Variants in ANKS1B observed in about 807,000 individuals in gnomAD.
ANKS1B encodes ankyrin repeat and sterile alpha motif domain-containing protein 1B.
In ANKS1B, 36 loss-of-function variants were observed where a neutral mutation model predicts 148.3. That is an observed-to-expected ratio of 0.24 (90% CI 0.19 to 0.32). ANKS1B has a LOEUF of 0.32. ANKS1B is among the 10% of genes least tolerant of loss of function. The probability of loss-of-function intolerance (pLI) is 1.00; values close to 1 mark genes in which losing one functional copy is unlikely to be tolerated. For missense variants in ANKS1B, 1,157 were observed against 1,542.6 expected, an observed-to-expected ratio of 0.75 and a Z score of 4.19; for synonymous variants, 542 against 560.8, an observed-to-expected ratio of 0.97 and a Z score of 0.47.
chr12:99,450,690 C>T (rs1322168914), intron 10 of ANKS1B, among the ~76,000 whole-genome samples: 2 of 152,134 alleles, frequency 1.3e-5, no homozygotes, highest in Admixed American at 6.6e-5. Flanking sequence ...TTAACTCTTC[C>T]AGACTAGGTT....
intron 11 of ANKS1B, among the ~76,000 whole-genome samples, chr12:99,427,087 T>C (rs1380814017): frequency 6.6e-6 from 1 of 152,242 alleles, no homozygotes; most frequent in South Asian, 2.1e-4. Context: ...TCCAAATAAC[T>C]GTACATGTTC....
chr12:99,668,630 T>C (rs1474983476), intron 8 of ANKS1B, among the ~76,000 whole-genome samples: 1 of 152,030 alleles, frequency 6.6e-6, no homozygotes, highest in East Asian at 1.9e-4. Flanking sequence ...TGTCTAGTTT[T>C]CTTTGTTTTT....
intron 1 of ANKS1B, among the ~76,000 whole-genome samples, chr12:99,967,356 C>T (rs1172165801): frequency 1.3e-5 from 2 of 152,098 alleles, no homozygotes; most frequent in South Asian, 2.1e-4. Flanking sequence ...ACCTGCATAG[C>T]GCCAAATGTC....
intron 8 of ANKS1B, among the ~76,000 whole-genome samples, chr12:99,735,807 C>CAAAAAAAAAAAAAAAAAAAAAAAA (rs376398944): frequency 4.6e-5 from 5 of 108,952 alleles, no homozygotes; most frequent in Non-Finnish European, 7.6e-5. Flanking sequence ...GGACATATAC[C>CAAAAAAAAAAAAAAAAAAAAAAAA]AAAAAAAAAA....
intron 17 of ANKS1B, among the ~76,000 whole-genome samples, chr12:98,998,814 T>C (rs1000542065): frequency 6.6e-6 from 1 of 152,230 alleles, no homozygotes; most frequent in Non-Finnish European, 1.5e-5. Context: ...TATTTTGCTT[T>C]GCCTTTGGGA....
chr12:99,950,507 ATTC>A (rs1422017864), intron 1 of ANKS1B, among the ~76,000 whole-genome samples: 1 of 152,128 alleles, frequency 6.6e-6, no homozygotes, highest in East Asian at 1.9e-4. Flanking sequence ...CTACATAAAT[ATTC>A]TTCATTACTG....
chr12:99,221,696 G>T (rs1369416708), intron 14 of ANKS1B, among the ~76,000 whole-genome samples: 1 of 152,130 alleles, frequency 6.6e-6, no homozygotes, highest in Non-Finnish European at 1.5e-5. Flanking sequence ...TATTGGTCAG[G>T]ACATAACAAA....
intron 8 of ANKS1B, among the ~76,000 whole-genome samples, chr12:99,731,934 G>C (rs2153569024): frequency 6.6e-6 from 1 of 152,206 alleles, no homozygotes; most frequent in African/African-American, 2.4e-5. Context: ...ACTTGTTTTT[G>C]AGATATATAA....
In ANKS1B at chr12:98,887,904, A is replaced by G. The variant is rs73382407; in HGVS notation, c.2779-55768T>C. Among the ~76,000 whole-genome samples, 889 of 152,290 alleles carry G rather than the reference A, an allele frequency of 5.8e-3. 10 individuals carry two copies. Among genetic ancestry groups the G allele is most frequent in the African/African-American group, 0.02 (848 of 41,564 alleles). On this transcript the variant is annotated intron_variant, in intron 17 of 26. Coordinates refer to ENST00000683438, the MANE Select transcript of ANKS1B (RefSeq NM_001352186.2). ...CTAGGATTACGGGCATGATCCACCA[A>G]TAAAATAAATTTTAATAATTTTTAT...
intron 17 of ANKS1B, among the ~76,000 whole-genome samples, chr12:98,916,391 T>TTG: frequency 6.6e-6 from 1 of 152,232 alleles, no homozygotes; most frequent in Non-Finnish European, 1.5e-5. Flanking sequence ...ACAGCCACGT[T>TTG]TAAGGAGGTG....
downstream of ANKS1B, among the ~76,000 whole-genome samples, chr12:98,743,208 T>C (rs1049948384): frequency 3.3e-5 from 5 of 152,170 alleles, no homozygotes; most frequent in African/African-American, 1.2e-4. Context: ...TTCTGCTCCA[T>C]CTTATCCAAA....
intron 22 of ANKS1B, chr12:98,794,725 A>G: frequency 2.1e-6 from 2 of 971,912 alleles, no homozygotes; most frequent in Non-Finnish European, 3.3e-6. Context: ...AACCTATCAA[A>G]TACCAGTGAG....
At chr12:99,141,156 G>A (rs2153796167) in intron 15 of ANKS1B, among the ~76,000 whole-genome samples, 1 of 152,006 alleles carries the variant, frequency 6.6e-6, no homozygotes, top group Non-Finnish European at 1.5e-5. Context: ...CCTTTCAGTA[G>A]CCAAACATGA....
At chr12:99,768,316 T>C (rs2062845840) in intron 8 of ANKS1B, among the ~76,000 whole-genome samples, 1 of 152,176 alleles carries the variant, frequency 6.6e-6, no homozygotes, top group Non-Finnish European at 1.5e-5. Flanking sequence ...AATAGTCCAA[T>C]ATAACATAGA....
intron 9 of ANKS1B, chr12:99,648,319 G>A (rs1232047752): frequency 8.1e-6 from 13 of 1,614,020 alleles, no homozygotes; most frequent in African/African-American, 1.3e-5. Flanking sequence ...GTTTGAGAGC[G>A]ACTTTATCCA....
chr12:99,827,841 C>G (rs989690913), intron 1 of ANKS1B, among the ~76,000 whole-genome samples: 1 of 152,104 alleles, frequency 6.6e-6, no homozygotes, highest in African/African-American at 2.4e-5. Context: ...TTGGCAGTTT[C>G]TTAAAAAGTT....
chr12:99,875,476 A>G (rs1421962777), intron 1 of ANKS1B, among the ~76,000 whole-genome samples: 1 of 152,124 alleles, frequency 6.6e-6, no homozygotes, highest in Non-Finnish European at 1.5e-5. Flanking sequence ...GCTCTTGTAC[A>G]CTAAGTTGCT....
intron 8 of ANKS1B, among the ~76,000 whole-genome samples, chr12:99,736,510 C>G (rs1489225219): frequency 6.6e-6 from 1 of 151,386 alleles, no homozygotes; most frequent in Non-Finnish European, 1.5e-5. Flanking sequence ...TAGCTACAAA[C>G]CAAATAACTA....
chr12:99,062,026 A>G (rs1488341691), intron 16 of ANKS1B, among the ~76,000 whole-genome samples: 1 of 152,210 alleles, frequency 6.6e-6, no homozygotes, highest in East Asian at 1.9e-4. Flanking sequence ...CTGGGATGAC[A>G]TGAATAATTT....
Sources: gnomAD v4.1 joint callset for allele counts (sites outside exome capture counted in the v4.1 genomes callset) on GRCh38, gnomAD v4.1.1 for gene constraint, MANE v1.5 for transcripts, NCBI Gene and HGNC (gene_info 2026-07-23, HGNC 2026-07-21) for gene names.